Variants in SPATA17 observed in about 807,000 individuals in gnomAD.
The protein encoded by SPATA17 is spermatogenesis associated 17.
SPATA17 carries 53 observed loss-of-function variants against 62.2 expected under a neutral mutation model. The ratio of observed to expected loss-of-function variants is 0.85; its 90% CI spans 0.68 to 1.07. The LOEUF (loss-of-function observed/expected upper bound fraction) is 1.07, where lower values mean the gene tolerates loss of function less well. Among genes scored for constraint, SPATA17 ranks in the 50% least tolerant of loss-of-function variants. SPATA17 has a pLI of 0.00. For missense variants in SPATA17, 466 were observed against 425.5 expected, an observed-to-expected ratio of 1.10 and a Z score of -0.84; for synonymous variants, 146 against 146.8, an observed-to-expected ratio of 0.99 and a Z score of 0.04.
At chr1:217,812,481 G>A (rs1558061211) in intron 9 of SPATA17, among the ~76,000 whole-genome samples, 1 of 152,030 alleles carries the variant, frequency 6.6e-6, no homozygotes, top group African/African-American at 2.4e-5. Flanking sequence ...ATAGGATAAT[G>A]TGCATACCAT....
intron 7 of SPATA17, among the ~76,000 whole-genome samples, chr1:217,775,761 AT>A (rs1212145033): frequency 2.0e-5 from 3 of 151,804 alleles, no homozygotes; most frequent in Admixed American, 1.3e-4. Flanking sequence ...GTTTTGTTCC[AT>A]TTTTTTGACC....
chr1:217,748,815 A>T (rs558833351), intron 6 of SPATA17, among the ~76,000 whole-genome samples: 1 of 151,958 alleles, frequency 6.6e-6, no homozygotes, highest in African/African-American at 2.4e-5. Flanking sequence ...TTTAAGTATC[A>T]TAAGTGGAGA....
At chr1:217,674,300 C>T (rs1161438545) in intron 4 of SPATA17, among the ~76,000 whole-genome samples, 1 of 152,182 alleles carries the variant, frequency 6.6e-6, no homozygotes, top group Non-Finnish European at 1.5e-5. Context: ...TTGGTTCTCC[C>T]TCTTTCTAAG....
chr1:217,859,243 ATT>A (rs1414754130), intron 9 of SPATA17, among the ~76,000 whole-genome samples: 2 of 147,064 alleles, frequency 1.4e-5, no homozygotes, highest in African/African-American at 2.5e-5. Flanking sequence ...AATTTTATAT[ATT>A]ATGTATATAA....
At chr1:217,690,556 G>T (rs1671328121) in intron 5 of SPATA17, among the ~76,000 whole-genome samples, 1 of 136,532 alleles carries the variant, frequency 7.3e-6, no homozygotes. Flanking sequence ...AGTTACATAT[G>T]TATACATGTG....
At chr1:217,770,825 T>C (rs544177872) in intron 6 of SPATA17, among the ~76,000 whole-genome samples, 5 of 152,134 alleles carry the variant, frequency 3.3e-5, no homozygotes, top group Middle Eastern at 3.4e-3. Context: ...AAAGTATTAA[T>C]GTAATGCTAG....
Position 217,631,440 on chromosome 1 carries a change from G to C in SPATA17, c.62G>C (p.Arg21Thr). The C allele has an allele frequency of 1.2e-6, 2 of 1,614,136 alleles. No individual in the cohort carries two copies. Among genetic ancestry groups the C allele is most frequent in the Non-Finnish European group, 1.7e-6 (2 of 1,180,022 alleles). The change falls in exon 1 of 11, where the codon AGG (arginine) becomes ACG (threonine). Residue 21 changes from arginine (R) to threonine (T), a missense_variant. Transcript: ENST00000366933. ...ACTGTAGGAAATCAGTACTACTTTA[G>C]GAACAGGTAAGTCAGGAAGAGAAGG... ...SSTVGNQYYF[R>T]NSVVDPFRKK...
intron 9 of SPATA17, among the ~76,000 whole-genome samples, chr1:217,814,638 A>C (rs184911331): frequency 6.6e-6 from 1 of 152,218 alleles, no homozygotes; most frequent in East Asian, 1.9e-4. Flanking sequence ...TCTTAAGCCT[A>C]GGAGTTTGAG....
At chr1:217,807,844 A>C (rs1015960030) in intron 9 of SPATA17, among the ~76,000 whole-genome samples, 2 of 152,198 alleles carry the variant, frequency 1.3e-5, no homozygotes, top group East Asian at 3.8e-4. Context: ...TATGCGTTTA[A>C]CCTGTTGTTT....
chr1:217,779,084 GAT>G (rs555606921), intron 7 of SPATA17, among the ~76,000 whole-genome samples: 8 of 149,300 alleles, frequency 5.4e-5, no homozygotes, highest in Non-Finnish European at 7.4e-5. Context: ...CCATATGGAA[GAT>G]ATATATATAT....
At chr1:217,848,447 A>G (rs1389678482) in intron 9 of SPATA17, among the ~76,000 whole-genome samples, 2 of 152,094 alleles carry the variant, frequency 1.3e-5, no homozygotes, top group Non-Finnish European at 2.9e-5. Context: ...TTTTTTTACT[A>G]TGTAAAGATT....
chr1:217,765,428 C>A (rs1443271984), intron 6 of SPATA17, among the ~76,000 whole-genome samples: 2 of 151,542 alleles, frequency 1.3e-5, no homozygotes, highest in Non-Finnish European at 2.9e-5. Context: ...TTAAGCCTTG[C>A]TTTTGTGAAA....
At position 217,796,811 on chromosome 1, in the gene SPATA17, T is replaced by G. The variant is rs182777985; in HGVS notation, c.873-4907T>G. ...TAATGAGCTATATATTAGGTTTACC[T>G]GGACATTTAGGTGGTTAATACATAC... On this transcript the variant is annotated intron_variant, in intron 8 of 10. Transcript: ENST00000366933. 4.6e-5 allele frequency among the ~76,000 whole-genome samples: 7 copies of G among 152,358 alleles called. No homozygotes were observed. The East Asian group carries it at 1.3e-3, about 29-fold the overall frequency.
At chr1:217,729,486 G>A (rs919631676) in intron 5 of SPATA17, among the ~76,000 whole-genome samples, 5 of 152,084 alleles carry the variant, frequency 3.3e-5, no homozygotes, top group African/African-American at 9.7e-5. Context: ...TTGATGACAG[G>A]TTCTTTTATA....
intron 9 of SPATA17, among the ~76,000 whole-genome samples, chr1:217,820,368 GT>G (rs1653857873): frequency 2.0e-5 from 3 of 152,040 alleles, no homozygotes; most frequent in Non-Finnish European, 4.4e-5. Context: ...TTTGTGAGCA[GT>G]AGTCCAAATT....
At chr1:217,702,132 A>G (rs1558571690) in intron 5 of SPATA17, among the ~76,000 whole-genome samples, 1 of 152,008 alleles carries the variant, frequency 6.6e-6, no homozygotes, top group African/African-American at 2.4e-5. Context: ...TTTTACATAA[A>G]TGCTATCTTG....
At chr1:217,843,329 C>A (rs1462627563) in intron 9 of SPATA17, among the ~76,000 whole-genome samples, 1 of 151,924 alleles carries the variant, frequency 6.6e-6, no homozygotes, top group Non-Finnish European at 1.5e-5. Flanking sequence ...TAAAATGAAT[C>A]ATTTTGTCCA....
chr1:217,794,115 C>CA (rs376080845), intron 8 of SPATA17, among the ~76,000 whole-genome samples: 2,156 of 54,680 alleles, frequency 0.039, 25 homozygotes, highest in African/African-American at 0.09. Context: ...GACTCCGTCA[C>CA]AAAAAAAAAA....
chr1:217,853,978 C>A (rs562895816), intron 9 of SPATA17, among the ~76,000 whole-genome samples: 123 of 152,134 alleles, frequency 8.1e-4, no homozygotes, highest in Non-Finnish European at 1.6e-3. Context: ...GTGAATCGGG[C>A]AGCCCCCAGA....
Sources: allele counts gnomAD v4.1 joint callset (sites outside exome capture counted in the v4.1 genomes callset), GRCh38; gene constraint gnomAD v4.1.1; transcripts MANE v1.5; gene names NCBI Gene and HGNC (gene_info 2026-07-23, HGNC 2026-07-21).